The following KLHL24 variants were observed in gnomAD, a reference collection of about 807,000 sequenced individuals.
The protein encoded by KLHL24 is kelch-like protein 24.
Under a neutral mutation model 53.4 loss-of-function variants are expected in KLHL24, and 29 were observed. The ratio of observed to expected loss-of-function variants is 0.54; its 90% CI spans 0.40 to 0.74. The LOEUF (loss-of-function observed/expected upper bound fraction) is 0.74, where lower values mean the gene tolerates loss of function less well. KLHL24 is among the 30% of genes least tolerant of loss of function. The probability of loss-of-function intolerance (pLI) is 0.00; values close to 1 mark genes in which losing one functional copy is unlikely to be tolerated. For missense variants in KLHL24, 504 were observed against 744.0 expected, an observed-to-expected ratio of 0.68 and a Z score of 3.75; for synonymous variants, 222 against 253.7, an observed-to-expected ratio of 0.88 and a Z score of 1.19.
At position 183,651,183 on chromosome 3, in the gene KLHL24, A is replaced by G; in HGVS notation, c.827A>G (p.Gln276Arg). Reference protein sequence around the residue: ...VQTVEVDQLIQNSPECYQLLH... With the variant: ...VQTVEVDQLIRNSPECYQLLH... ...ACAGTTGAAGTGGACCAATTGATCC[A>G]GAATTCTCCTGAGTGTTATCAGTTG... is the stretch of plus-strand genomic sequence containing the variant. Residue 276 changes from glutamine to arginine, a missense_variant, in exon 3 of 8, where the codon CAG becomes CGG. By Grantham distance (43) the Gln-to-Arg change is conservative (BLOSUM62 1). Coordinates refer to ENST00000242810, the MANE Select transcript of KLHL24 (RefSeq NM_017644.3). 6.2e-7 allele frequency: 1 copy of G among 1,614,200 alleles called. No homozygotes were observed. The highest frequency in any genetic ancestry group is 8.5e-7 in the Non-Finnish European group (1 of 1,180,026).
chr3:183,666,081 C>T (rs984272509), intron 5 of KLHL24, among the ~76,000 whole-genome samples: 4 of 152,020 alleles, frequency 2.6e-5, no homozygotes, highest in African/African-American at 4.8e-5. Context: ...CAGGGTTTCG[C>T]CATGTTGGCC....
At chr3:183,641,075 AT>A (rs1716348126) in intron 1 of KLHL24, among the ~76,000 whole-genome samples, 1 of 152,232 alleles carries the variant, frequency 6.6e-6, no homozygotes, top group Non-Finnish European at 1.5e-5. Context: ...CAAGTTTATG[AT>A]TTTTAAAAAG....
intron 1 of KLHL24, among the ~76,000 whole-genome samples, chr3:183,640,940 G>T (rs1169209905): frequency 1.3e-5 from 2 of 152,012 alleles, no homozygotes; most frequent in African/African-American, 4.8e-5. Flanking sequence ...GGTCTTGGTG[G>T]TTCCATTAAG....
chr3:183,674,196 G>A (rs1268128405), intron 7 of KLHL24, among the ~76,000 whole-genome samples: 1 of 151,542 alleles, frequency 6.6e-6, no homozygotes, highest in African/African-American at 2.4e-5. Flanking sequence ...ACTCTAATTA[G>A]TCTTCCTTTC....
intron 2 of KLHL24, among the ~76,000 whole-genome samples, chr3:183,644,494 C>G (rs1716949552): frequency 6.6e-6 from 1 of 152,176 alleles, no homozygotes; most frequent in South Asian, 2.1e-4. Context: ...ATGAGATAGT[C>G]TCTCTTACAT....
At chr3:183,636,977 A>G (rs1715376899) in intron 1 of KLHL24, among the ~76,000 whole-genome samples, 1 of 152,010 alleles carries the variant, frequency 6.6e-6, no homozygotes, top group African/African-American at 2.4e-5. Flanking sequence ...AACACCCTTT[A>G]ACTAGTGTCG....
intron 1 of KLHL24, among the ~76,000 whole-genome samples, chr3:183,641,153 T>C (rs1390163131): frequency 1.3e-5 from 2 of 152,146 alleles, no homozygotes; most frequent in African/African-American, 2.4e-5. Context: ...AATTGCTTGG[T>C]TTTGTATAGT....
At chr3:183,667,547 C>T (rs193167302) in intron 5 of KLHL24, among the ~76,000 whole-genome samples, 27 of 152,132 alleles carry the variant, frequency 1.8e-4, no homozygotes, top group Middle Eastern at 3.4e-3. Flanking sequence ...AATCTAATGC[C>T]TGATGATCTG....
intron 7 of KLHL24, among the ~76,000 whole-genome samples, chr3:183,676,822 T>G (rs188031982): frequency 2.6e-5 from 4 of 152,182 alleles, no homozygotes; most frequent in Non-Finnish European, 5.9e-5. Context: ...CATTAAAGAT[T>G]AGAATAATTA....
intron 2 of KLHL24, among the ~76,000 whole-genome samples, chr3:183,646,239 G>A (rs1255487122): frequency 2.0e-5 from 3 of 151,406 alleles, no homozygotes; most frequent in Non-Finnish European, 4.4e-5. Flanking sequence ...GCATGTGCCT[G>A]TAGTCCCACC....
chr3:183,648,278 A>G (rs369930640), intron 2 of KLHL24, among the ~76,000 whole-genome samples: 8 of 152,300 alleles, frequency 5.3e-5, no homozygotes, highest in Admixed American at 2.6e-4. Flanking sequence ...AGAGAATACT[A>G]TATATAAGAG....
chr3:183,636,188 G>A (rs1375519418), intron 1 of KLHL24: 1 of 152,272 alleles, frequency 6.6e-6, no homozygotes, highest in African/African-American at 2.4e-5. Flanking sequence ...TGTTGCCGAT[G>A]GGCTGCGAAC....
intron 5 of KLHL24, among the ~76,000 whole-genome samples, chr3:183,665,726 G>A (rs1247538390): frequency 1.3e-5 from 2 of 151,954 alleles, no homozygotes; most frequent in East Asian, 3.9e-4. Context: ...CTCCAGCCTG[G>A]CAACAGAGCG....
chr3:183,669,818 G>A (rs1721091885), intron 5 of KLHL24, among the ~76,000 whole-genome samples: 3 of 152,254 alleles, frequency 2.0e-5, no homozygotes, highest in Admixed American at 2.0e-4. Context: ...AAATGTTGTG[G>A]ACCCTCAAGT....
At chr3:183,654,956 C>G (rs1381291352) in intron 3 of KLHL24, among the ~76,000 whole-genome samples, 1 of 152,200 alleles carries the variant, frequency 6.6e-6, no homozygotes, top group Non-Finnish European at 1.5e-5. Context: ...GGAGTCACAG[C>G]ATATCTGGGT....
chr3:183,664,793 A>T (rs1013153819), intron 4 of KLHL24, 128 bp from the exon 5 acceptor site: 5 of 514,604 alleles, frequency 9.7e-6, no homozygotes, highest in African/African-American at 7.7e-5. Flanking sequence ...TATTGAGCTG[A>T]ATTCTCAAAT....
In KLHL24 at chr3:183,651,038, A is replaced by G; in HGVS notation, c.682A>G (p.Met228Val). Residue 228 changes from methionine (M) to valine (V), a missense_variant, in exon 3 of 8, where the codon ATG (methionine) becomes GTG (valine). Met to Val is a conservative substitution (Grantham distance 21). Coordinates refer to ENST00000242810, the MANE Select transcript of KLHL24 (RefSeq NM_017644.3). Reference protein sequence around the residue: ...SDELVIGKEEMVFEAVMRWVY... With the variant: ...SDELVIGKEEVVFEAVMRWVY... ...TGAACTTGTTATTGGTAAAGAGGAG[A>G]TGGTTTTTGAAGCCGTCATGCGTTG... is the stretch of plus-strand genomic sequence containing the variant. 6.2e-7 allele frequency: 1 copy of G among 1,614,150 alleles called. No individual in the cohort carries two copies. Among genetic ancestry groups the G allele is most frequent in the Middle Eastern group, 1.7e-4 (1 of 6,060 alleles).
In KLHL24 at chr3:183,680,762, A is replaced by C. The variant is rs184288236; in HGVS notation, c.*1476A>C. 460 of 152,294 alleles carry C rather than the reference A, an allele frequency of 3.0e-3. No homozygotes were observed. The highest frequency in any genetic ancestry group is 0.01 in the African/African-American group (436 of 41,576). 9.4% of individuals were successfully genotyped at this position (152,294 alleles called of 1,614,324 possible). ...TTGTGATTCTGGGTGGACGGATATA[A>C]TTTACAACATTTAGGGATGTTCTAG... is the stretch of plus-strand genomic sequence containing the variant. On this transcript the variant is annotated 3_prime_UTR_variant, in exon 8 of 8. Transcript: ENST00000242810.
intron 2 of KLHL24, chr3:183,644,213 T>C (rs9877556): frequency 0.33 from 50,446 of 151,184 alleles, 9,222 homozygotes; most frequent in African/African-American, 0.49. Context: ...ACTACAGGCG[T>C]CCACAACCAC....
Sources: allele counts gnomAD v4.1 joint callset (sites outside exome capture counted in the v4.1 genomes callset), GRCh38; gene constraint gnomAD v4.1.1; transcripts MANE v1.5; gene names NCBI Gene and HGNC (gene_info 2026-07-23, HGNC 2026-07-21).